The following FYB2 variants were observed in gnomAD, a reference collection of about 807,000 sequenced individuals.
The protein encoded by FYB2 is FYN binding protein 2.
Under a neutral mutation model 94.1 loss-of-function variants are expected in FYB2, and 103 were observed. The observed-to-expected ratio is 1.09, with a 90% CI of 0.93 to 1.29. The LOEUF (loss-of-function observed/expected upper bound fraction) is 1.29. FYB2 is among the 50% of genes most tolerant of loss of function. The pLI is 0.00. For missense variants in FYB2, 896 were observed against 841.5 expected (o/e 1.06, Z -0.80); for synonymous variants, 293 against 287.9 (o/e 1.02, Z -0.18).
intron 5 of FYB2, among the ~76,000 whole-genome samples, chr1:56,763,477 T>C (rs997951465): frequency 2.0e-5 from 3 of 152,178 alleles, no homozygotes; most frequent in Non-Finnish European, 4.4e-5. Context: ...TGAGTTGTGG[T>C]AATTTGTGCT....
At chr1:56,721,315 C>T (rs1361643379) in intron 17 of FYB2, among the ~76,000 whole-genome samples, 1 of 151,980 alleles carries the variant, frequency 6.6e-6, no homozygotes, top group Non-Finnish European at 1.5e-5. Flanking sequence ...AGGGTATTGT[C>T]TGTTTATAAC....
chr1:56,720,915 G>T (rs1284500990), intron 17 of FYB2: 1 of 152,078 alleles, frequency 6.6e-6, no homozygotes, highest in African/African-American at 2.4e-5. Context: ...CCTCTGTGTA[G>T]TGCCTTAAAG....
At chr1:56,801,754 T>C (rs920115545) in intron 1 of FYB2, among the ~76,000 whole-genome samples, 24 of 152,192 alleles carry the variant, frequency 1.6e-4, no homozygotes, top group African/African-American at 5.5e-4. Context: ...TTCATTTCCC[T>C]ATGTACCCAG....
chr1:56,749,913 T>C (rs927706861), intron 9 of FYB2, among the ~76,000 whole-genome samples: 4 of 152,072 alleles, frequency 2.6e-5, no homozygotes, highest in Non-Finnish European at 5.9e-5. Context: ...GGTACTTTTA[T>C]GAATGTTTTA....
intron 1 of FYB2, among the ~76,000 whole-genome samples, chr1:56,801,014 T>C (rs1210733426): frequency 6.6e-6 from 1 of 152,160 alleles, no homozygotes; most frequent in East Asian, 1.9e-4. Context: ...GAAGCTGGTC[T>C]GTTAACAAAG....
chr1:56,801,586 T>A (rs1646520682), intron 1 of FYB2, among the ~76,000 whole-genome samples: 1 of 152,140 alleles, frequency 6.6e-6, no homozygotes, highest in Non-Finnish European at 1.5e-5. Context: ...GACCCTGCTA[T>A]GAGTAATAAA....
intron 19 of FYB2, 82 bp downstream of exon 19, chr1:56,719,940 T>C: frequency 7.3e-7 from 1 of 1,367,110 alleles, no homozygotes; most frequent in South Asian, 1.4e-5. Context: ...TTTCAATAAA[T>C]TCAGTAGTCT....
At chr1:56,783,964 C>A (rs1418224121) in intron 4 of FYB2, among the ~76,000 whole-genome samples, 1 of 152,148 alleles carries the variant, frequency 6.6e-6, no homozygotes, top group Non-Finnish European at 1.5e-5. Flanking sequence ...TCTCTAGATG[C>A]TAGGCCCTGC....
At chr1:56,726,662 T>C in intron 15 of FYB2, 79 bp from the exon 16 acceptor site, 1 of 1,173,092 alleles carries the variant, frequency 8.5e-7, no homozygotes, top group South Asian at 1.5e-5. Flanking sequence ...TCATGGGCAA[T>C]TATGTTTTAC....
intron 4 of FYB2, among the ~76,000 whole-genome samples, chr1:56,778,953 G>C (rs374581005): frequency 6.6e-6 from 1 of 152,098 alleles, no homozygotes; most frequent in East Asian, 1.9e-4. Context: ...AATGAATTCT[G>C]CATGACGAGA....
intron 15 of FYB2, among the ~76,000 whole-genome samples, chr1:56,729,252 C>G (rs527437992): frequency 6.6e-6 from 1 of 152,156 alleles, no homozygotes; most frequent in South Asian, 2.1e-4. Flanking sequence ...GTAAGATGGC[C>G]ATTCAGGGAG....
At chr1:56,784,768 C>T (rs1432139988) in intron 4 of FYB2, among the ~76,000 whole-genome samples, 1 of 152,132 alleles carries the variant, frequency 6.6e-6, no homozygotes, top group Non-Finnish European at 1.5e-5. Context: ...TCCATCTGTC[C>T]ATTCATTCAT....
At chr1:56,795,070 T>A (rs183415357) in intron 1 of FYB2, among the ~76,000 whole-genome samples, 15 of 151,716 alleles carry the variant, frequency 9.9e-5, no homozygotes, top group Admixed American at 9.2e-4. Context: ...GGCAGTGTTA[T>A]GTAGGTTCAC....
At chr1:56,786,506 C>CT (rs997037858) in intron 4 of FYB2, among the ~76,000 whole-genome samples, 7 of 152,068 alleles carry the variant, frequency 4.6e-5, no homozygotes, top group African/African-American at 1.7e-4. Flanking sequence ...TGAGACTAAC[C>CT]TTTTTGAGAA....
intron 4 of FYB2, among the ~76,000 whole-genome samples, chr1:56,776,846 C>T (rs923456054): frequency 2.0e-5 from 3 of 152,300 alleles, no homozygotes; most frequent in African/African-American, 7.2e-5. Context: ...CTTACAACAT[C>T]GGAATTCCAC....
rs563436620 is a variant in FYB2 at position 56,732,720 on chromosome 1, A to C, written c.1793+4367T>G. Among the ~76,000 whole-genome samples the C allele has an allele frequency of 2.0e-5, 3 of 152,222 alleles. No individual in the cohort carries two copies. The East Asian group carries it at 5.8e-4, about 29-fold the overall frequency. ...TTTGACAAAAACTCCAAGAACACTC[A>C]ATGGGGGAAGTACAGTCTTTTCAGT... On this transcript the variant is annotated intron_variant, in intron 15 of 19. Transcript: ENST00000343433.
intron 13 of FYB2, among the ~76,000 whole-genome samples, chr1:56,740,485 T>G (rs1264221164): frequency 6.6e-6 from 1 of 152,082 alleles, no homozygotes; most frequent in Non-Finnish European, 1.5e-5. Context: ...TTCTCTGCCA[T>G]TTTTTCAAAG....
intron 7 of FYB2, 109 bp from the exon 8 acceptor site, chr1:56,754,044 A>G (rs995001758): frequency 2.8e-5 from 19 of 689,310 alleles, no homozygotes; most frequent in Non-Finnish European, 3.7e-5. Context: ...TTGAACAAAT[A>G]TGAATCATTT....
Position 56,794,671 on chromosome 1 carries a change from A to AAC in FYB2, c.10-1870_10-1869dup, listed in dbSNP as rs142250655. Among the ~76,000 whole-genome samples the AAC allele has an allele frequency of 4.1e-4, 62 of 151,456 alleles. 1 individual carries two copies. The highest frequency in any genetic ancestry group is 4.0e-3 in the South Asian group (19 of 4,808). On this transcript the variant is annotated intron_variant, in intron 1 of 19. Transcript: ENST00000343433. ...CTCTCTGTTCTCTCTTTATCTCTCT[A>AAC]ACACACACACACACGCACAGGCACA...
Sources: gnomAD v4.1 joint callset for allele counts (sites outside exome capture counted in the v4.1 genomes callset) on GRCh38, gnomAD v4.1.1 for gene constraint, MANE v1.5 for transcripts, NCBI Gene and HGNC (gene_info 2026-07-23, HGNC 2026-07-21) for gene names.